CACNA2D3: variants seen among roughly 807,000 people sequenced by gnomAD.
CACNA2D3 encodes voltage-dependent calcium channel subunit alpha-2/delta-3.
In CACNA2D3, 60 loss-of-function variants were observed where a neutral mutation model predicts 160.6. The ratio of observed to expected loss-of-function variants is 0.37; its 90% CI spans 0.30 to 0.46. The LOEUF is 0.46. Ranked by LOEUF, CACNA2D3 falls within the 20% of genes least tolerant of loss-of-function variation. The probability of loss-of-function intolerance (pLI) is 1.00; values close to 1 mark genes in which losing one functional copy is unlikely to be tolerated. For missense variants in CACNA2D3, 1,205 were observed against 1,365.0 expected (o/e 0.88, Z 1.85); for synonymous variants, 558 against 492.9 (o/e 1.13, Z -1.75).
At chr3:54,689,352 C>T (rs1700529546) in intron 11 of CACNA2D3, among the ~76,000 whole-genome samples, 2 of 152,072 alleles carry the variant, frequency 1.3e-5, no homozygotes, top group Non-Finnish European at 2.9e-5. Flanking sequence ...ACATTTATTC[C>T]CAGGGATGGT....
At chr3:54,584,529 A>G (rs966332658) in intron 9 of CACNA2D3, among the ~76,000 whole-genome samples, 5 of 152,140 alleles carry the variant, frequency 3.3e-5, no homozygotes, top group Admixed American at 6.5e-5. Flanking sequence ...AGTCTCAGGG[A>G]CTTGAGGGAC....
At position 54,984,489 on chromosome 3, in the gene CACNA2D3, T is replaced by C. The variant is rs1399007564; in HGVS notation, c.2557-119T>C. The C allele has an allele frequency of 4.4e-6, 3 of 678,456 alleles. No individual in the cohort carries two copies. The African/African-American group carries it at 5.6e-5, about 13-fold the overall frequency. The allele number at this position is 678,456 out of a possible 1,614,324, so 42.0% of individuals were successfully genotyped here. ...GGCTTTTGCAATTGCCTGAAAACAA[T>C]TGCTTTCCAAAAAAATAAGTTTGTC... On this transcript the variant is annotated intron_variant, in intron 29 of 37. Transcript: ENST00000474759.
intron 11 of CACNA2D3, among the ~76,000 whole-genome samples, chr3:54,652,668 G>A (rs1450303256): frequency 6.6e-6 from 1 of 152,058 alleles, no homozygotes; most frequent in Admixed American, 6.6e-5. Context: ...GTGGACATGG[G>A]AACAGGGTGA....
At chr3:54,428,882 A>G (rs1229285516) in intron 4 of CACNA2D3, among the ~76,000 whole-genome samples, 1 of 152,164 alleles carries the variant, frequency 6.6e-6, no homozygotes, top group Non-Finnish European at 1.5e-5. Context: ...TTTCCTTTTT[A>G]CAGATTTATG....
intron 13 of CACNA2D3, among the ~76,000 whole-genome samples, chr3:54,789,159 A>C (rs1435291867): frequency 1.3e-5 from 2 of 152,238 alleles, no homozygotes; most frequent in Non-Finnish European, 2.9e-5. Context: ...CATTAAGTAT[A>C]AATATATAAC....
intron 35 of CACNA2D3, among the ~76,000 whole-genome samples, chr3:55,041,603 CT>C (rs1328382439): frequency 6.6e-6 from 1 of 151,816 alleles, no homozygotes; most frequent in Non-Finnish European, 1.5e-5. Flanking sequence ...CTTTTATTTG[CT>C]TTTTTCAAAA....
chr3:54,462,981 A>T, intron 4 of CACNA2D3, among the ~76,000 whole-genome samples: 1 of 148,358 alleles, frequency 6.7e-6, no homozygotes, highest in East Asian at 2.0e-4. Flanking sequence ...GTGGTGACAA[A>T]ATCTCTCAGC....
intron 4 of CACNA2D3, among the ~76,000 whole-genome samples, chr3:54,398,218 C>G (rs988590542): frequency 6.7e-4 from 87 of 129,014 alleles, no homozygotes; most frequent in Middle Eastern, 4.0e-3. Flanking sequence ...TGTCTCTGCA[C>G]GTGAGATGGG....
At chr3:54,974,849 G>T (rs879928465) in intron 29 of CACNA2D3, among the ~76,000 whole-genome samples, 2 of 152,162 alleles carry the variant, frequency 1.3e-5, no homozygotes, top group African/African-American at 2.4e-5. Flanking sequence ...GGGGCAGGGT[G>T]ACAGATAGAC....
At chr3:54,419,446 C>T (rs146349239) in intron 4 of CACNA2D3, among the ~76,000 whole-genome samples, 17 of 152,348 alleles carry the variant, frequency 1.1e-4, no homozygotes, top group African/African-American at 2.9e-4. Flanking sequence ...TAGAGAAACA[C>T]GAACAAGAGA....
chr3:54,170,558 C>T (rs138814949), intron 2 of CACNA2D3, among the ~76,000 whole-genome samples: 2 of 152,258 alleles, frequency 1.3e-5, no homozygotes, highest in Non-Finnish European at 2.9e-5. Flanking sequence ...CTGTGCACCT[C>T]CTCTGTGTTG....
chr3:55,006,449 A>G (rs1040434593), intron 32 of CACNA2D3, among the ~76,000 whole-genome samples: 1 of 152,186 alleles, frequency 6.6e-6, no homozygotes, highest in African/African-American at 2.4e-5. Flanking sequence ...ACATCGTCCC[A>G]TAGTCTGACC....
At position 54,906,573 on chromosome 3, in the gene CACNA2D3, A is replaced by T. The variant is rs77308027; in HGVS notation, c.2449+6705A>T. On this transcript the variant is annotated intron_variant, in intron 27 of 37. Transcript: ENST00000474759. ...TGAGATTCCTCATCCATGTGTCCAT[A>T]TTCCACGTGGGTGCTGTGAGACCTG... Among the ~76,000 whole-genome samples the T allele has an allele frequency of 3.6e-3, 554 of 152,290 alleles. 5 individuals carry two copies. The highest frequency in any genetic ancestry group is 0.012 in the African/African-American group (508 of 41,556).
At chr3:54,253,156 G>T (rs927429086) in intron 2 of CACNA2D3, among the ~76,000 whole-genome samples, 1 of 140,302 alleles carries the variant, frequency 7.1e-6, no homozygotes, top group Non-Finnish European at 1.5e-5. Context: ...ATACTATAAT[G>T]ACACTGTATT....
At chr3:54,191,575 G>C (rs1700984994) in intron 2 of CACNA2D3, among the ~76,000 whole-genome samples, 1 of 152,114 alleles carries the variant, frequency 6.6e-6, no homozygotes, top group Non-Finnish European at 1.5e-5. Context: ...AACCGACCGA[G>C]TACAAGGAAA....
At chr3:55,073,414 A>G (rs1704862830) in intron 35 of CACNA2D3, 31 bp from the exon 36 acceptor site, 6 of 1,531,990 alleles carry the variant, frequency 3.9e-6, no homozygotes, top group Non-Finnish European at 5.4e-6. Context: ...CGGATGGTAA[A>G]TGACTGCCTC....
At chr3:54,493,959 T>C (rs1701157149) in intron 4 of CACNA2D3, among the ~76,000 whole-genome samples, 2 of 152,356 alleles carry the variant, frequency 1.3e-5, no homozygotes, top group Non-Finnish European at 2.9e-5. Context: ...TGAATAACTT[T>C]TAAATACTTA....
intron 31 of CACNA2D3, among the ~76,000 whole-genome samples, chr3:54,988,381 A>G (rs190032269): frequency 6.6e-6 from 1 of 152,244 alleles, no homozygotes; most frequent in East Asian, 1.9e-4. Flanking sequence ...CATGTCCCTC[A>G]TGGGCAGGCC....
chr3:54,813,965 G>C (rs1027139335), intron 13 of CACNA2D3, among the ~76,000 whole-genome samples: 4 of 150,334 alleles, frequency 2.7e-5, no homozygotes, highest in Non-Finnish European at 5.9e-5. Context: ...CCTGGGCTCA[G>C]GTGATTCTCC....
Sources: gnomAD v4.1 joint callset for allele counts (sites outside exome capture counted in the v4.1 genomes callset) on GRCh38, gnomAD v4.1.1 for gene constraint, MANE v1.5 for transcripts, NCBI Gene and HGNC (gene_info 2026-07-23, HGNC 2026-07-21) for gene names.